The following UNC5D variants were observed in gnomAD, a reference collection of about 807,000 sequenced individuals.
The protein encoded by UNC5D is unc-5 netrin receptor D.
A neutral mutation model predicts 105.4 loss-of-function variants in UNC5D; 39 were observed. That is an observed-to-expected ratio of 0.37 (90% CI 0.29 to 0.48). The LOEUF (loss-of-function observed/expected upper bound fraction) is 0.48, where lower values mean the gene tolerates loss of function less well. Among genes scored for constraint, UNC5D ranks in the 20% least tolerant of loss-of-function variants. The pLI, the probability that UNC5D is intolerant of heterozygous loss-of-function variation, is 0.98. For missense variants in UNC5D, 991 were observed against 1,202.4 expected, an observed-to-expected ratio of 0.82 and a Z score of 2.60; for synonymous variants, 452 against 450.4, an observed-to-expected ratio of 1.00 and a Z score of -0.04.
intron 11 of UNC5D, among the ~76,000 whole-genome samples, chr8:35,742,672 C>T (rs1023582522): frequency 6.6e-6 from 1 of 152,146 alleles, no homozygotes; most frequent in African/African-American, 2.4e-5. Flanking sequence ...TGGTCACTTT[C>T]CTTAAAGAAA....
chr8:35,533,427 G>A (rs1179278652), intron 1 of UNC5D, among the ~76,000 whole-genome samples: 1 of 152,042 alleles, frequency 6.6e-6, no homozygotes, highest in African/African-American at 2.4e-5. Context: ...GCTGCGTGCT[G>A]GGAGAACCAC....
intron 1 of UNC5D, among the ~76,000 whole-genome samples, chr8:35,297,421 G>A (rs1807575983): frequency 6.6e-6 from 1 of 152,104 alleles, no homozygotes; most frequent in Admixed American, 6.5e-5. Context: ...GTGACCAACT[G>A]CTTGGACCTT....
intron 4 of UNC5D, among the ~76,000 whole-genome samples, chr8:35,608,027 G>A (rs1477871388): frequency 3.3e-5 from 5 of 151,982 alleles, no homozygotes; most frequent in Non-Finnish European, 7.4e-5. Flanking sequence ...AATCCTGCAT[G>A]GCCTCATACT....
rs1803035833 is a variant in UNC5D, at chr8:35,791,416, G to A, written c.*853G>A. On this transcript the variant is annotated 3_prime_UTR_variant, in exon 17 of 17. Coordinates refer to ENST00000404895, the MANE Select transcript of UNC5D (RefSeq NM_080872.4). Reference sequence around the variant, plus strand: ...ACACAGCTTATTACATGGATATGGGGACAGGAGAGATTAAAGCAGGTTCAA... The same window carrying A: ...ACACAGCTTATTACATGGATATGGGAACAGGAGAGATTAAAGCAGGTTCAA... 1 of 152,138 alleles carries A rather than the reference G, an allele frequency of 6.6e-6. No individual in the cohort carries two copies. The highest frequency in any genetic ancestry group is 1.5e-5 in the Non-Finnish European group (1 of 68,008). 9.4% of individuals were successfully genotyped at this position (152,138 alleles called of 1,614,324 possible).
At chr8:35,492,131 A>C (rs886832214) in intron 1 of UNC5D, among the ~76,000 whole-genome samples, 1 of 151,620 alleles carries the variant, frequency 6.6e-6, no homozygotes, top group African/African-American at 2.4e-5. Flanking sequence ...CTAGGGTCCA[A>C]ATGTGAGTCT....
chr8:35,402,858 C>T (rs1295067925), intron 1 of UNC5D, among the ~76,000 whole-genome samples: 1 of 152,148 alleles, frequency 6.6e-6, no homozygotes, highest in Non-Finnish European at 1.5e-5. Flanking sequence ...TACCTCAGAT[C>T]ATCCTGTTCC....
At chr8:35,634,994 G>A (rs1264564829) in intron 4 of UNC5D, among the ~76,000 whole-genome samples, 2 of 152,042 alleles carry the variant, frequency 1.3e-5, no homozygotes, top group African/African-American at 4.8e-5. Flanking sequence ...TTGAACTCCT[G>A]ACCTCAGGCG....
At chr8:35,742,722 G>A (rs1829821692) in intron 11 of UNC5D, among the ~76,000 whole-genome samples, 2 of 152,160 alleles carry the variant, frequency 1.3e-5, no homozygotes, top group East Asian at 1.9e-4. Flanking sequence ...AAGGAGTATT[G>A]AGCACAGAGG....
intron 1 of UNC5D, among the ~76,000 whole-genome samples, chr8:35,400,532 T>G (rs567768670): frequency 6.6e-6 from 1 of 152,126 alleles, no homozygotes; most frequent in African/African-American, 2.4e-5. Flanking sequence ...TAAAAACAGA[T>G]GTAAACTTCA....
intron 1 of UNC5D, among the ~76,000 whole-genome samples, chr8:35,333,528 G>A (rs1274578613): frequency 1.3e-5 from 2 of 152,168 alleles, no homozygotes; most frequent in East Asian, 3.9e-4. Flanking sequence ...GCCCCAGGCT[G>A]GAGTGCAGTG....
chr8:35,578,354 C>G (rs1325694078), intron 3 of UNC5D, among the ~76,000 whole-genome samples: 1 of 151,148 alleles, frequency 6.6e-6, no homozygotes, highest in African/African-American at 2.4e-5. Flanking sequence ...TTACACATAC[C>G]TGTGTCGAGG....
intron 1 of UNC5D, among the ~76,000 whole-genome samples, chr8:35,496,725 A>G (rs899696683): frequency 7.9e-5 from 12 of 152,184 alleles, no homozygotes; most frequent in Admixed American, 1.3e-4. Flanking sequence ...CCATCACCAA[A>G]GTCTAATTTT....
chr8:35,452,241 G>T (rs191984850), intron 1 of UNC5D, among the ~76,000 whole-genome samples: 1 of 152,042 alleles, frequency 6.6e-6, no homozygotes, highest in African/African-American at 2.4e-5. Context: ...GTGCAGAAAA[G>T]AAAATTCTAA....
chr8:35,301,178 G>A (rs1161601794), intron 1 of UNC5D, among the ~76,000 whole-genome samples: 1 of 152,156 alleles, frequency 6.6e-6, no homozygotes, highest in Non-Finnish European at 1.5e-5. Context: ...GAGATGTCTT[G>A]TGGTGCCAGA....
At chr8:35,342,468 G>T (rs1811521195) in intron 1 of UNC5D, among the ~76,000 whole-genome samples, 1 of 152,146 alleles carries the variant, frequency 6.6e-6, no homozygotes, top group Non-Finnish European at 1.5e-5. Flanking sequence ...ACCATCGGCA[G>T]ATAATGGGAG....
chr8:35,332,636 T>C (rs953385479), intron 1 of UNC5D, among the ~76,000 whole-genome samples: 5 of 152,174 alleles, frequency 3.3e-5, no homozygotes, highest in African/African-American at 1.2e-4. Context: ...CAACCAACTA[T>C]CAATTTTATA....
rs565043490 is a variant in UNC5D at position 35,319,299 on chromosome 8, A to G, written c.103+83412A>G. On this transcript the variant is annotated intron_variant, in intron 1 of 16. Coordinates refer to ENST00000404895, the MANE Select transcript of UNC5D (RefSeq NM_080872.4). Reference sequence around the variant, plus strand: ...ACAGGCTCCACACTATTGGTTTGCTACAGTTTTCAGACCGCATTTTAAATG... The same window carrying G: ...ACAGGCTCCACACTATTGGTTTGCTGCAGTTTTCAGACCGCATTTTAAATG... Among the ~76,000 whole-genome samples, 30 of 152,224 alleles carry G rather than the reference A, an allele frequency of 2.0e-4. No homozygotes were observed. In the East Asian group the frequency reaches 2.3e-3, roughly 12 times the overall value.
At chr8:35,267,829 A>T (rs559933850) in intron 1 of UNC5D, among the ~76,000 whole-genome samples, 46 of 151,282 alleles carry the variant, frequency 3.0e-4, no homozygotes, top group African/African-American at 1.1e-3. Flanking sequence ...ATGAATACGT[A>T]TTTTTTTTTC....
chr8:35,743,190 G>T (rs940869743), intron 11 of UNC5D, among the ~76,000 whole-genome samples: 3 of 152,138 alleles, frequency 2.0e-5, no homozygotes, highest in Non-Finnish European at 4.4e-5. Flanking sequence ...TTACAGAGCA[G>T]TCTACCTGCT....
Sources: allele counts gnomAD v4.1 joint callset (sites outside exome capture counted in the v4.1 genomes callset), GRCh38; gene constraint gnomAD v4.1.1; transcripts MANE v1.5; gene names NCBI Gene and HGNC (gene_info 2026-07-23, HGNC 2026-07-21).